Variants in TMEM140 observed in about 807,000 individuals in gnomAD.
TMEM140 encodes the protein transmembrane protein 140.
For synonymous variants in TMEM140, 107 were observed against 106.8 expected (o/e 1.00, Z -0.01); for missense variants, 236 against 228.5 (o/e 1.03, Z -0.21).
At chr7:135,157,570 A>G (rs530545221) in intron 1 of TMEM140, among the ~76,000 whole-genome samples, 1 of 152,302 alleles carries the variant, frequency 6.6e-6, no homozygotes, top group Admixed American at 6.5e-5. Flanking sequence ...CTTAGAAGCT[A>G]GTAGTGGGAG....
chr7:135,164,429 G>C lies in TMEM140; in HGVS notation c.-13G>C, dbSNP rs778884609. On this transcript the variant is annotated 5_prime_UTR_variant, in exon 2 of 2. Transcript: ENST00000275767. ...TGACTTCCCCGCAGGTCCCCCGGCA[G>C]AGGGCAGTAGAGATGGCCGGCCCAA... 1.3e-6 allele frequency: 2 copies of C among 1,589,052 alleles called. No homozygotes were observed. Among genetic ancestry groups the C allele is most frequent in the East Asian group, 4.5e-5 (2 of 44,120 alleles).
intron 1 of TMEM140, among the ~76,000 whole-genome samples, chr7:135,159,622 A>G (rs1220174026): frequency 6.6e-6 from 1 of 152,258 alleles, no homozygotes; most frequent in Non-Finnish European, 1.5e-5. Flanking sequence ...GACCTAGTGC[A>G]GCAAAGCATT....
At position 135,161,606 on chromosome 7, in the gene TMEM140, A is replaced by G. The variant is rs1355377617; in HGVS notation, c.-24-2812A>G. On this transcript the variant is annotated intron_variant, in intron 1 of 1. Coordinates refer to ENST00000275767, the MANE Select transcript of TMEM140 (RefSeq NM_018295.5). The surrounding 1 kb of genome is among the most constrained non-coding windows in gnomAD (Gnocchi z 4.1). The stretch of plus-strand genomic sequence containing the variant: ...CCATACAAAATATGTTCCCGTCGGC[A>G]ATTTTTCCCATACCATGGACTCAAA... 7.2e-5 allele frequency among the ~76,000 whole-genome samples: 11 copies of G among 152,230 alleles called. No homozygotes were observed. Among genetic ancestry groups the G allele is most frequent in the Admixed American group, 7.2e-4 (11 of 15,290 alleles).
chr7:135,154,210 T>A (rs1829732682), intron 1 of TMEM140, among the ~76,000 whole-genome samples: 1 of 152,150 alleles, frequency 6.6e-6, no homozygotes, highest in South Asian at 2.1e-4. Context: ...TTTATTTGGA[T>A]CTTCTTTCTT....
Position 135,164,611 on chromosome 7 carries a change from A to C in TMEM140, c.170A>C (p.Glu57Ala), listed in dbSNP as rs370353179. The C allele has an allele frequency of 6.2e-6, 10 of 1,614,110 alleles. No homozygotes were observed. The African/African-American group carries it at 1.1e-4, about 17-fold the overall frequency. Residue 57 changes from glutamate (E) to alanine (A), a missense_variant, in exon 2 of 2, where the codon GAG becomes GCG. Glu to Ala is a moderately radical substitution (Grantham distance 107, BLOSUM62 -1). Transcript: ENST00000275767. The part of the protein sequence containing the change: ...IGFYNFCLWN[E>A]DTSTLQCHQF... ...TTCTATAACTTCTGCCTGTGGAATG[A>C]GGACACCAGCACCCTACAGTGTCAC...
intron 1 of TMEM140, among the ~76,000 whole-genome samples, chr7:135,157,916 C>T (rs559747093): frequency 6.6e-6 from 1 of 152,134 alleles, no homozygotes; most frequent in Non-Finnish European, 1.5e-5. Context: ...GGCTTGTGAA[C>T]AGAGAAGGTG....
chr7:135,154,926 G>C (rs1829752426), intron 1 of TMEM140, among the ~76,000 whole-genome samples: 1 of 152,154 alleles, frequency 6.6e-6, no homozygotes, highest in Admixed American at 6.5e-5. Flanking sequence ...GTCTAGTGTT[G>C]TGAGTGGAGT....
At chr7:135,150,145 G>A (rs553630923) in intron 1 of TMEM140, among the ~76,000 whole-genome samples, 2 of 152,090 alleles carry the variant, frequency 1.3e-5, no homozygotes, top group South Asian at 4.2e-4. Context: ...ATTTATTTGG[G>A]TATGTGGAGT....
In TMEM140 at chr7:135,148,213, C is replaced by T; in HGVS notation, c.-82C>T. 1 of 419,756 alleles carries T rather than the reference C, an allele frequency of 2.4e-6. No individual in the cohort carries two copies. The highest frequency in any genetic ancestry group is 1.7e-5 in the South Asian group (1 of 60,530). 26.0% of individuals were successfully genotyped at this position (419,756 alleles called of 1,614,324 possible). On this transcript the variant is annotated 5_prime_UTR_variant, in exon 1 of 2. Transcript: ENST00000275767. ...GAGAAGGAAGATTCAAACAACCAAC[C>T]CTGATTTCCTGCTTCTCCTTTTCAT...
At chr7:135,164,093 T>A (rs1014512604) in intron 1 of TMEM140, among the ~76,000 whole-genome samples, 1 of 152,376 alleles carries the variant, frequency 6.6e-6, no homozygotes, top group East Asian at 1.9e-4. Context: ...ATCCCCTCAC[T>A]AATGTTTCCA....
At chr7:135,155,764 T>C (rs934600115) in intron 1 of TMEM140, among the ~76,000 whole-genome samples, 7 of 152,210 alleles carry the variant, frequency 4.6e-5, no homozygotes, top group African/African-American at 7.2e-5. Flanking sequence ...GGCAGGAAGA[T>C]TGCTTGAGCC....
Position 135,164,510 on chromosome 7 carries a change from G to A in TMEM140, c.69G>A (p.Val23=). 6.2e-7 allele frequency: 1 copy of A among 1,613,448 alleles called. No individual in the cohort carries two copies. ...LFMSIIVLVI[V]VICLMFYALL... ...TGAGCATCATAGTCCTCGTGATTGT[G>A]GTCATCTGCCTGATGTTTTACGCTC... is the stretch of plus-strand genomic sequence containing the variant. The change falls in exon 2 of 2, where the codon GTG becomes GTA. Residue 23 remains valine, a synonymous_variant. Transcript: ENST00000275767.
In TMEM140 at chr7:135,151,331, A is replaced by C. The variant is rs1829661137; in HGVS notation, c.-25+3061A>C. On this transcript the variant is annotated intron_variant, in intron 1 of 1. Transcript: ENST00000275767. The surrounding 1 kb of genome is among the most constrained non-coding windows in gnomAD (Gnocchi z 4.3). ...ATGTTTCTACCAAAGGAAATATGAC[A>C]CATTTCCCTTTCTTCTTCCCTTTTT... is the stretch of plus-strand genomic sequence containing the variant. Among the ~76,000 whole-genome samples the C allele has an allele frequency of 6.6e-6, 1 of 152,184 alleles. No individual in the cohort carries two copies. The highest frequency in any genetic ancestry group is 1.9e-4 in the East Asian group (1 of 5,198).
intron 1 of TMEM140, among the ~76,000 whole-genome samples, chr7:135,156,165 T>G (rs1046627789): frequency 2.0e-5 from 3 of 152,222 alleles, no homozygotes; most frequent in African/African-American, 7.2e-5. Flanking sequence ...TCACTTTTGC[T>G]AATTTTAAAA....
Position 135,164,825 on chromosome 7 carries a change from A to T in TMEM140, c.384A>T (p.Ala128=). Residue 128 remains alanine, a synonymous_variant, in exon 2 of 2, where the codon GCA becomes GCT. Transcript: ENST00000275767. ...GFLAVSSVLL[A]GGLGLFLSYV... ...TGGCTGTGTCCTCTGTGCTGCTGGC[A>T]GGCGGCCTGGGCCTCTTCCTCTCCT... 1 of 1,613,792 alleles carries T rather than the reference A, an allele frequency of 6.2e-7. No homozygotes were observed. Among genetic ancestry groups the T allele is most frequent in the Non-Finnish European group, 8.5e-7 (1 of 1,179,826 alleles).
At chr7:135,162,092 T>G (rs1047897409) in intron 1 of TMEM140, among the ~76,000 whole-genome samples, 4 of 152,222 alleles carry the variant, frequency 2.6e-5, no homozygotes, top group Non-Finnish European at 5.9e-5. Context: ...GGAGCTGCCC[T>G]CTCTCTCAGC....
In TMEM140 at chr7:135,161,239, G is replaced by A. The variant is rs966169585; in HGVS notation, c.-24-3179G>A. On this transcript the variant is annotated intron_variant, in intron 1 of 1. Coordinates refer to ENST00000275767, the MANE Select transcript of TMEM140 (RefSeq NM_018295.5). The surrounding 1 kb of genome is among the most constrained non-coding windows in gnomAD (Gnocchi z 4.1). ...GGAAGTCAAAACAAAGGCTCCTGGC[G>A]TCTGGCAGGAGCTGCCGCAAGGTGG... Among the ~76,000 whole-genome samples the A allele has an allele frequency of 9.8e-5, 15 of 152,340 alleles. No homozygotes were observed. The highest frequency in any genetic ancestry group is 4.6e-4 in the Admixed American group (7 of 15,304).
intron 1 of TMEM140, among the ~76,000 whole-genome samples, chr7:135,148,951 A>C (rs1829608094): frequency 6.6e-6 from 1 of 152,170 alleles, no homozygotes; most frequent in Non-Finnish European, 1.5e-5. Flanking sequence ...CTATAAAATC[A>C]AAGGCTCCTT....
In TMEM140 at chr7:135,148,659, C is replaced by T. The variant is rs1158589262; in HGVS notation, c.-25+389C>T. On this transcript the variant is annotated intron_variant, in intron 1 of 1. Transcript: ENST00000275767. ...GAAATAGGTAAACAAAAGCAGGTCACCGACCAACACTAACTAAACCACTAT... is the reference window on the plus strand; with the variant it reads ...GAAATAGGTAAACAAAAGCAGGTCATCGACCAACACTAACTAAACCACTAT... Among the ~76,000 whole-genome samples the T allele has an allele frequency of 2.6e-5, 4 of 152,166 alleles. No homozygotes were observed. The South Asian group carries it at 8.3e-4, about 32-fold the overall frequency.
Sources: gnomAD v4.1 joint callset for allele counts (sites outside exome capture counted in the v4.1 genomes callset) on GRCh38, gnomAD v4.1.1 for gene constraint, Gnocchi (gnomAD v3.1) non-coding constraint, MANE v1.5 for transcripts, NCBI Gene and HGNC (gene_info 2026-07-23, HGNC 2026-07-21) for gene names.